ACTR3C: variants seen among roughly 807,000 people sequenced by gnomAD.
ACTR3C encodes the protein actin related protein 3C.
Under a neutral mutation model 26.3 loss-of-function variants are expected in ACTR3C, and 18 were observed. That is an observed-to-expected ratio of 0.68 (90% CI 0.47 to 1.01). The LOEUF (loss-of-function observed/expected upper bound fraction) is 1.01. ACTR3C is among the 50% of genes least tolerant of loss of function. ACTR3C has a pLI of 0.00. For synonymous variants in ACTR3C, 55 were observed against 94.5 expected, an observed-to-expected ratio of 0.58 and a Z score of 2.42; for missense variants, 184 against 250.7, an observed-to-expected ratio of 0.73 and a Z score of 1.80.
chr7:150,299,150 G>A (rs1182531865), intron 1 of ACTR3C, among the ~76,000 whole-genome samples: 2 of 151,486 alleles, frequency 1.3e-5, no homozygotes, highest in African/African-American at 2.4e-5. Flanking sequence ...GCTCAGTTAA[G>A]TTTTGTATTT....
chr7:149,966,265 C>T, the ACTR3C span, among the ~76,000 whole-genome samples: 1 of 152,158 alleles, frequency 6.6e-6, no homozygotes, highest in Non-Finnish European at 1.5e-5. Flanking sequence ...GCTTTGTCCT[C>T]CCCACCTGCC....
the ACTR3C span, among the ~76,000 whole-genome samples, chr7:150,139,505 A>T: frequency 6.6e-6 from 1 of 152,254 alleles, no homozygotes; most frequent in African/African-American, 2.4e-5. Flanking sequence ...ATGATGAGAG[A>T]CCTAGATAAA....
chr7:150,035,888 G>T, the ACTR3C span, among the ~76,000 whole-genome samples: 25 of 136,682 alleles, frequency 1.8e-4, 3 homozygotes, highest in Middle Eastern at 0.012. Flanking sequence ...CGGAAGAGGG[G>T]ATAGCTCTCA....
the ACTR3C span, among the ~76,000 whole-genome samples, chr7:149,930,847 T>C: frequency 2.0e-5 from 3 of 151,990 alleles, no homozygotes; most frequent in Non-Finnish European, 4.4e-5. Context: ...AGTGGTGTGA[T>C]CTCGGTTCAC....
the ACTR3C span, among the ~76,000 whole-genome samples, chr7:150,226,524 C>CCTCCTGGGTTCAAGTGATT: frequency 6.6e-6 from 1 of 152,154 alleles, no homozygotes; most frequent in African/African-American, 2.4e-5. Context: ...GCAACCTCTG[C>CCTCCTGGGTTCAAGTGATT]CTCCTGGGTT....
the ACTR3C span, among the ~76,000 whole-genome samples, chr7:149,956,835 T>C: frequency 6.6e-6 from 1 of 152,170 alleles, no homozygotes; most frequent in African/African-American, 2.4e-5. Flanking sequence ...GCTACCCCCA[T>C]CAGACCTAAT....
chr7:150,156,189 G>T, the ACTR3C span, among the ~76,000 whole-genome samples: 4 of 152,102 alleles, frequency 2.6e-5, no homozygotes, highest in East Asian at 7.7e-4. Flanking sequence ...TCACCAGAGG[G>T]TCAGCAGCAG....
At chr7:149,960,015 G>T in the ACTR3C span, among the ~76,000 whole-genome samples, 144,027 of 150,762 alleles carry the variant, frequency 0.96, 69,036 homozygotes, top group Non-Finnish European at 0.99. Context: ...GGAACAATAT[G>T]GCACTTGCAG....
At chr7:149,928,654 C>T in the ACTR3C span, among the ~76,000 whole-genome samples, 1 of 151,450 alleles carries the variant, frequency 6.6e-6, no homozygotes, top group Non-Finnish European at 1.5e-5. Flanking sequence ...CCAGCCTGGC[C>T]AACATGACAA....
intron 1 of ACTR3C, among the ~76,000 whole-genome samples, chr7:150,318,178 G>C (rs1197119092): frequency 6.6e-6 from 1 of 152,144 alleles, no homozygotes; most frequent in Non-Finnish European, 1.5e-5. Flanking sequence ...AGCCAGGATG[G>C]GGAGGTTTCC....
chr7:150,309,806 G>A (rs1374717135), intron 1 of ACTR3C, among the ~76,000 whole-genome samples: 2 of 152,112 alleles, frequency 1.3e-5, no homozygotes, highest in African/African-American at 2.4e-5. Flanking sequence ...CTCAGATCTC[G>A]GCTTTGCGGC....
At chr7:150,066,075 C>T in the ACTR3C span, among the ~76,000 whole-genome samples, 18 of 152,216 alleles carry the variant, frequency 1.2e-4, no homozygotes, top group Non-Finnish European at 2.2e-4. Flanking sequence ...TCATGCTTGT[C>T]GAGCTCCAAA....
the ACTR3C span, among the ~76,000 whole-genome samples, chr7:149,942,523 T>C: frequency 6.6e-6 from 1 of 151,980 alleles, no homozygotes; most frequent in East Asian, 1.9e-4. Flanking sequence ...TTCATCAAGA[T>C]CCCAGGCAGC....
At chr7:150,131,036 G>T in the ACTR3C span, among the ~76,000 whole-genome samples, 1 of 152,176 alleles carries the variant, frequency 6.6e-6, no homozygotes, top group Non-Finnish European at 1.5e-5. Context: ...GGATGAAATT[G>T]TTTTGTATCA....
chr7:149,976,899 G>A, the ACTR3C span, among the ~76,000 whole-genome samples: 4 of 151,364 alleles, frequency 2.6e-5, no homozygotes, highest in East Asian at 1.9e-4. Context: ...GCTGGAAATC[G>A]GGAAATAAAG....
At chr7:150,121,819 C>A in the ACTR3C span, among the ~76,000 whole-genome samples, 1 of 152,262 alleles carries the variant, frequency 6.6e-6, no homozygotes, top group East Asian at 1.9e-4. Context: ...CATCATGCTA[C>A]CTGACTTCAA....
the ACTR3C span, among the ~76,000 whole-genome samples, chr7:150,084,737 T>C: frequency 6.6e-6 from 1 of 152,140 alleles, no homozygotes; most frequent in Non-Finnish European, 1.5e-5. Flanking sequence ...TGGTCTCAGA[T>C]GTGCAAAGGA....
the ACTR3C span, among the ~76,000 whole-genome samples, chr7:150,199,628 AT>A: frequency 5.3e-5 from 7 of 133,080 alleles, no homozygotes; most frequent in African/African-American, 1.0e-4. Flanking sequence ...AAAAAAAAAA[AT>A]AAATAAAAAT....
the ACTR3C span, among the ~76,000 whole-genome samples, chr7:149,963,429 C>T: frequency 1.9e-3 from 286 of 152,280 alleles, 2 homozygotes; most frequent in Admixed American, 3.5e-3. Context: ...CAGTATTATG[C>T]CTCATGCCTA....
Sources: allele counts gnomAD v4.1 joint callset (sites outside exome capture counted in the v4.1 genomes callset), GRCh38; gene constraint gnomAD v4.1.1; transcripts MANE v1.5; gene names NCBI Gene and HGNC (gene_info 2026-07-23, HGNC 2026-07-21).